ERCC3: variants seen among roughly 807,000 people sequenced by gnomAD.
ERCC3 encodes ERCC excision repair 3, TFIIH core complex helicase subunit.
In ERCC3, 66 loss-of-function variants were observed where a neutral mutation model predicts 94.2. The ratio of observed to expected loss-of-function variants is 0.70; its 90% CI spans 0.57 to 0.86. The LOEUF (loss-of-function observed/expected upper bound fraction) is 0.86. ERCC3 is among the 40% of genes least tolerant of loss of function. ERCC3 has a pLI of 0.00. For missense variants in ERCC3, 829 were observed against 987.1 expected (o/e 0.84, Z 2.15); for synonymous variants, 349 against 369.1 (o/e 0.95, Z 0.63).
chr2:127,279,431 A>C lies in ERCC3; in HGVS notation c.1528-56T>G. ...TACAAGTTTAAACACCACACAATTT[A>C]AAACTTTTGAAGACCTTTCTCTAGC... On this transcript the variant is annotated intron_variant, in intron 9 of 14. Coordinates refer to ENST00000285398, the MANE Select transcript of ERCC3 (RefSeq NM_000122.2). The surrounding 1 kb of genome is among the most constrained non-coding windows in gnomAD (Gnocchi z 4.7). The C allele has an allele frequency of 2.2e-6, 3 of 1,350,584 alleles. No homozygotes were observed. The South Asian group carries it at 3.5e-5, about 16-fold the overall frequency. 83.7% of individuals were successfully genotyped at this position (1,350,584 alleles called of 1,614,324 possible).
rs370605195 is a variant in ERCC3 at position 127,279,117 on chromosome 2, C to A, written c.1730+56G>T. On this transcript the variant is annotated intron_variant, in intron 10 of 14. Coordinates refer to ENST00000285398, the MANE Select transcript of ERCC3 (RefSeq NM_000122.2). The surrounding 1 kb of genome is among the most constrained non-coding windows in gnomAD (Gnocchi z 4.7). ...AACAAAACAACAGCCACCTTCTGCA[C>A]TCTCAATGGGGAAGAGAAACTGGCC... The A allele has an allele frequency of 8.2e-7, 1 of 1,219,164 alleles. No individual in the cohort carries two copies. The highest frequency in any genetic ancestry group is 1.2e-6 in the Non-Finnish European group (1 of 823,760). The allele number at this position is 1,219,164 out of a possible 1,614,324, so 75.5% of individuals were successfully genotyped here. A position where few individuals can be genotyped will look rare whatever the true frequency, so the allele number is the denominator to read the frequency against.
At chr2:127,275,777 C>G (rs944512216) in intron 10 of ERCC3, among the ~76,000 whole-genome samples, 1 of 152,162 alleles carries the variant, frequency 6.6e-6, no homozygotes, top group Admixed American at 6.5e-5. Flanking sequence ...GAAATAACAG[C>G]AGATGAGAGA....
At chr2:127,262,493 C>CA (rs1175839534) in intron 12 of ERCC3, 4 of 152,078 alleles carry the variant, frequency 2.6e-5, no homozygotes, top group African/African-American at 7.2e-5. Context: ...ATTCCATCTC[C>CA]AAAAAACAAA....
At chr2:127,286,660 T>C (rs780143660) in intron 8 of ERCC3, 43 bp downstream of exon 8, 13 of 1,591,726 alleles carry the variant, frequency 8.2e-6, no homozygotes, top group Admixed American at 5.0e-5. Flanking sequence ...GGAAATTGGT[T>C]TGTCTGTTCA....
At chr2:127,286,670 A>G (rs1396069092) in intron 8 of ERCC3, 33 bp downstream of exon 8, 1 of 1,606,178 alleles carries the variant, frequency 6.2e-7, no homozygotes, top group Admixed American at 1.7e-5. Context: ...TTGTCTGTTC[A>G]GCAAGTGGAC....
chr2:127,279,934 G>A lies in ERCC3; in HGVS notation c.1527+513C>T, dbSNP rs1558957148. Reference sequence around the variant, plus strand: ...GGAGTTATTTTCACACCAGCTGCAAGTGTGCGAAACCAGATTCTCAATTGG... The same window carrying A: ...GGAGTTATTTTCACACCAGCTGCAAATGTGCGAAACCAGATTCTCAATTGG... On this transcript the variant is annotated intron_variant, in intron 9 of 14. Transcript: ENST00000285398. The surrounding 1 kb of genome is among the most constrained non-coding windows in gnomAD (Gnocchi z 4.7). 6.6e-6 allele frequency among the ~76,000 whole-genome samples: 1 copy of A among 152,294 alleles called. No homozygotes were observed. Among genetic ancestry groups the A allele is most frequent in the East Asian group, 1.9e-4 (1 of 5,184 alleles).
Position 127,290,066 on chromosome 2 carries a change from G to A in ERCC3, c.521+158C>T, listed in dbSNP as rs190363658. On this transcript the variant is annotated intron_variant, in intron 4 of 14. Transcript: ENST00000285398. ...AGAGGAAATACAGTGGCCAGTGGAT[G>A]AGTTTCCAGTCTGGGCCACATCTCT... 148 of 787,588 alleles carry A rather than the reference G, an allele frequency of 1.9e-4. 1 individual carries two copies. In the East Asian group the frequency reaches 3.9e-3, roughly 21 times the overall value. The allele number at this position is 787,588 out of a possible 1,614,324, so 48.8% of individuals were successfully genotyped here. A position where few individuals can be genotyped will look rare whatever the true frequency, so the allele number is the denominator to read the frequency against.
intron 10 of ERCC3, among the ~76,000 whole-genome samples, chr2:127,275,839 T>G (rs1187798373): frequency 6.6e-6 from 1 of 152,134 alleles, no homozygotes; most frequent in Non-Finnish European, 1.5e-5. Context: ...GCACAGTACC[T>G]GAGCTAACAG....
chr2:127,293,938 G>C (rs1211839309), intron 1 of ERCC3, 116 bp downstream of exon 1: 1 of 1,533,998 alleles, frequency 6.5e-7, no homozygotes, highest in East Asian at 2.4e-5. Context: ...AACGGGGTGC[G>C]CGCGGGAGGG....
chr2:127,294,062 G>A lies in ERCC3; in HGVS notation c.20C>T (p.Ala7Val), dbSNP rs1461005787. 6 of 1,607,326 alleles carry A rather than the reference G, an allele frequency of 3.7e-6. No individual in the cohort carries two copies. The highest frequency in any genetic ancestry group is 5.1e-6 in the Non-Finnish European group (6 of 1,179,454). The change falls in exon 1 of 15, where the codon GCG (alanine) becomes GTG (valine). Residue 7 changes from alanine to valine, a missense_variant. Ala to Val is a moderately conservative substitution (Grantham distance 64). Coordinates refer to ENST00000285398, the MANE Select transcript of ERCC3 (RefSeq NM_000122.2). ...CCCGCGCAACGTCTCACCGCGGTCC[G>A]CTCGGTCTCTTTTGCCCATGGCAGC... is the stretch of plus-strand genomic sequence containing the variant. Reference protein sequence around the residue: MGKRDRADRDKKKSRKR... With the variant: MGKRDRVDRDKKKSRKR...
At chr2:127,281,178 A>G (rs1441413992) in intron 8 of ERCC3, among the ~76,000 whole-genome samples, 1 of 152,246 alleles carries the variant, frequency 6.6e-6, no homozygotes. Context: ...TACCCAGGTT[A>G]CTGAAAAGAA....
At position 127,289,828 on chromosome 2, in the gene ERCC3, C is replaced by T; in HGVS notation, c.522-4G>A. 6.2e-7 allele frequency: 1 copy of T among 1,614,140 alleles called. No individual in the cohort carries two copies. Among genetic ancestry groups the T allele is most frequent in the South Asian group, 1.1e-5 (1 of 91,080 alleles). On this transcript the variant is annotated splice_polypyrimidine_tract_variant and splice_region_variant and intron_variant, in intron 4 of 14. Coordinates refer to ENST00000285398, the MANE Select transcript of ERCC3 (RefSeq NM_000122.2). ...GTGGCAACTTTCAACGAAGTATCTGCAAGCAGGGGAGGAAGAAGGGGTCTA... is the reference window on the plus strand; with the variant it reads ...GTGGCAACTTTCAACGAAGTATCTGTAAGCAGGGGAGGAAGAAGGGGTCTA...
intron 12 of ERCC3, among the ~76,000 whole-genome samples, chr2:127,266,558 C>T (rs994006711): frequency 2.6e-5 from 4 of 151,604 alleles, no homozygotes; most frequent in African/African-American, 7.3e-5. Flanking sequence ...AGGATGGTCT[C>T]GATCTCCTGA....
At chr2:127,290,517 C>T (rs976016573) in intron 3 of ERCC3, 12 of 569,560 alleles carry the variant, frequency 2.1e-5, no homozygotes, top group Non-Finnish European at 3.2e-5. Flanking sequence ...AGTTATAAAA[C>T]GCTGCTTAAA....
chr2:127,267,290 C>T (rs1427565802), intron 12 of ERCC3, among the ~76,000 whole-genome samples: 2 of 152,108 alleles, frequency 1.3e-5, no homozygotes, highest in African/African-American at 4.8e-5. Context: ...ATGTTGGGCG[C>T]ATATATATTT....
Position 127,286,762 on chromosome 2 carries a change from T to C in ERCC3, c.1283A>G (p.Glu428Gly). ...KRSWEAERVM[E>G]WLKTQEWGLM... The stretch of plus-strand genomic sequence containing the variant: ...GCCCCACTCCTGGGTCTTGAGCCAC[T>C]CCATGACTCGCTCGGCCTCCCAGGA... The change falls in exon 8 of 15, where the codon GAG becomes GGG. Residue 428 changes from glutamate to glycine, a missense_variant. Transcript: ENST00000285398. The C allele has an allele frequency of 1.2e-6, 2 of 1,614,138 alleles. No individual in the cohort carries two copies. Among genetic ancestry groups the C allele is most frequent in the Non-Finnish European group, 1.7e-6 (2 of 1,180,020 alleles).
At position 127,274,584 on chromosome 2, in the gene ERCC3, C is replaced by A. The variant is rs952368830; in HGVS notation, c.1731-1623G>T. Among the ~76,000 whole-genome samples, 2 of 152,230 alleles carry A rather than the reference C, an allele frequency of 1.3e-5. No individual in the cohort carries two copies. The highest frequency in any genetic ancestry group is 2.4e-5 in the African/African-American group (1 of 41,470). On this transcript the variant is annotated intron_variant, in intron 10 of 14. Transcript: ENST00000285398. This position sits in a 1 kb window ranked among gnomAD's most constrained non-coding sequence, Gnocchi z 4.0. ...GGGCCTGGGCAGCTGCACACCCAGG[C>A]TGATGGCCTCTGATTAGCCCAGTCA...
chr2:127,289,339 G>C lies in ERCC3; in HGVS notation c.820C>G (p.Gln274Glu). 6.2e-7 allele frequency: 1 copy of C among 1,613,708 alleles called. No individual in the cohort carries two copies. The highest frequency in any genetic ancestry group is 8.5e-7 in the Non-Finnish European group (1 of 1,179,914). ...ETQTVSFEVK[Q>E]EMIEELQKRC... The stretch of plus-strand genomic sequence containing the variant: ...AGGAGGAAGGTACATTCACTAACCT[G>C]CTTGACTTCAAAAGACACTGTCTGT... Residue 274 changes from glutamine to glutamate, a missense_variant and splice_region_variant, in exon 6 of 15, where the codon CAG becomes GAG. By Grantham distance (29) the Gln-to-Glu change is conservative. Transcript: ENST00000285398.
chr2:127,270,765 G>A (rs997417104), intron 12 of ERCC3, among the ~76,000 whole-genome samples: 11 of 152,204 alleles, frequency 7.2e-5, no homozygotes, highest in African/African-American at 2.2e-4. Context: ...CCCTTTTACC[G>A]CAGTAAGCAA....
Sources: gnomAD v4.1 joint callset for allele counts (sites outside exome capture counted in the v4.1 genomes callset) on GRCh38, gnomAD v4.1.1 for gene constraint, Gnocchi (gnomAD v3.1) non-coding constraint, MANE v1.5 for transcripts, NCBI Gene and HGNC (gene_info 2026-07-23, HGNC 2026-07-21) for gene names.